The following FAM227B variants were observed in gnomAD, a reference collection of about 807,000 sequenced individuals.
The protein encoded by FAM227B is protein FAM227B.
A neutral mutation model predicts 73.8 loss-of-function variants in FAM227B; 88 were observed. The ratio of observed to expected loss-of-function variants is 1.19; its 90% confidence interval spans 1.00 to 1.42. The LOEUF is 1.42. Ranked by LOEUF, FAM227B falls within the 40% of genes most tolerant of loss-of-function variation. The probability of loss-of-function intolerance (pLI) is 0.00; values close to 1 mark genes in which losing one functional copy is unlikely to be tolerated. For synonymous variants in FAM227B, 210 were observed against 190.5 expected (o/e 1.10, Z -0.84); for missense variants, 632 against 590.9 (o/e 1.07, Z -0.72).
intron 11 of FAM227B, among the ~76,000 whole-genome samples, chr15:49,388,526 C>T (rs577691701): frequency 6.6e-6 from 1 of 151,774 alleles, no homozygotes; most frequent in African/African-American, 2.4e-5. Context: ...TGAAACTATA[C>T]AAATTCTAGA....
At chr15:49,521,632 A>C (rs2059794682) in intron 10 of FAM227B, among the ~76,000 whole-genome samples, 1 of 152,158 alleles carries the variant, frequency 6.6e-6, no homozygotes. Context: ...TTCCTGCAAA[A>C]GAGTGCAGAC....
intron 11 of FAM227B, chr15:49,424,139 A>C: frequency 1.7e-6 from 1 of 590,940 alleles, no homozygotes; most frequent in Non-Finnish European, 2.9e-6. Flanking sequence ...GTTATCAGGA[A>C]CTAAAAGGAT....
At chr15:49,548,360 G>A (rs1360073337) in intron 9 of FAM227B, among the ~76,000 whole-genome samples, 1 of 151,994 alleles carries the variant, frequency 6.6e-6, no homozygotes, top group African/African-American at 2.4e-5. Context: ...TTCCACTTCA[G>A]GAATAAATGC....
At chr15:49,596,616 C>T (rs996428453) in intron 3 of FAM227B, among the ~76,000 whole-genome samples, 1 of 150,978 alleles carries the variant, frequency 6.6e-6, no homozygotes, top group Admixed American at 6.6e-5. Flanking sequence ...TAGAATAGTA[C>T]CTCATATCTC....
intron 11 of FAM227B, among the ~76,000 whole-genome samples, chr15:49,403,220 G>C (rs1430063909): frequency 2.0e-5 from 3 of 151,914 alleles, no homozygotes; most frequent in Admixed American, 6.6e-5. Flanking sequence ...TGTTCATCAA[G>C]GGTATTGGCC....
intron 13 of FAM227B, among the ~76,000 whole-genome samples, chr15:49,362,815 AG>A (rs2044479492): frequency 6.6e-6 from 1 of 152,128 alleles, no homozygotes; most frequent in Non-Finnish European, 1.5e-5. Context: ...CGTGTATGGA[AG>A]GGGTCCAGTT....
chr15:49,328,045 A>G lies in FAM227B; in HGVS notation c.*523T>C, dbSNP rs1181494297. ...CTGCGGACAAGCTGCCCAGCTTTCTAGCAAATGTGCACAAAGCTTATTACC... is the reference window on the plus strand; with the variant it reads ...CTGCGGACAAGCTGCCCAGCTTTCTGGCAAATGTGCACAAAGCTTATTACC... On this transcript the variant is annotated 3_prime_UTR_variant, in exon 16 of 16. Transcript: ENST00000299338. The G allele has an allele frequency of 1.2e-6, 2 of 1,613,928 alleles. No homozygotes were observed. The highest frequency in any genetic ancestry group is 1.3e-5 in the African/African-American group (1 of 74,904).
intron 10 of FAM227B, among the ~76,000 whole-genome samples, chr15:49,518,436 T>C (rs1201885655): frequency 6.6e-6 from 1 of 152,148 alleles, no homozygotes; most frequent in Non-Finnish European, 1.5e-5. Flanking sequence ...ATTAGTTCAA[T>C]TTCATACTGC....
intron 10 of FAM227B, among the ~76,000 whole-genome samples, chr15:49,526,009 A>G (rs1389163431): frequency 6.6e-6 from 1 of 151,976 alleles, no homozygotes; most frequent in African/African-American, 2.4e-5. Context: ...TAGAAAATCA[A>G]GAAAGGAACT....
intron 5 of FAM227B, among the ~76,000 whole-genome samples, chr15:49,581,413 C>T (rs2152387250): frequency 6.6e-6 from 1 of 151,998 alleles, no homozygotes; most frequent in South Asian, 2.1e-4. Context: ...CTGCAACTTC[C>T]CCCTCTCAGG....
intron 11 of FAM227B, among the ~76,000 whole-genome samples, chr15:49,496,292 G>A (rs942653825): frequency 2.0e-5 from 3 of 152,054 alleles, no homozygotes; most frequent in Non-Finnish European, 2.9e-5. Context: ...TGCGGTTTAA[G>A]CTACAGTTTA....
chr15:49,589,112 T>C (rs1186707367), intron 4 of FAM227B, among the ~76,000 whole-genome samples: 1 of 152,112 alleles, frequency 6.6e-6, no homozygotes, highest in Admixed American at 6.6e-5. Flanking sequence ...TATACAAATA[T>C]TGAAAAGAAG....
At chr15:49,442,792 C>T (rs2051793755) in intron 11 of FAM227B, among the ~76,000 whole-genome samples, 1 of 151,700 alleles carries the variant, frequency 6.6e-6, no homozygotes. Context: ...CAACCACTGG[C>T]TTTTCTTCTT....
intron 11 of FAM227B, among the ~76,000 whole-genome samples, chr15:49,457,298 G>A (rs1266508535): frequency 6.6e-6 from 1 of 151,838 alleles, no homozygotes; most frequent in East Asian, 1.9e-4. Flanking sequence ...AATAGAAATG[G>A]AAAAAAATCA....
At chr15:49,431,321 T>G (rs1028663586) in intron 11 of FAM227B, among the ~76,000 whole-genome samples, 1 of 151,958 alleles carries the variant, frequency 6.6e-6, no homozygotes, top group East Asian at 1.9e-4. Context: ...TTATCTGCAT[T>G]TGAGATTATA....
chr15:49,389,630 A>T (rs1255711065), intron 11 of FAM227B, among the ~76,000 whole-genome samples: 3 of 152,026 alleles, frequency 2.0e-5, no homozygotes, highest in Non-Finnish European at 4.4e-5. Context: ...GTACCTCAAA[A>T]GCTATTGAAT....
intron 11 of FAM227B, chr15:49,484,516 A>G (rs2056240988): frequency 1.2e-5 from 17 of 1,375,096 alleles, no homozygotes; most frequent in Non-Finnish European, 1.7e-5. Context: ...TGCATATGGT[A>G]TATAAAGAAC....
At chr15:49,369,279 G>C (rs911902749) in intron 12 of FAM227B, among the ~76,000 whole-genome samples, 1 of 152,112 alleles carries the variant, frequency 6.6e-6, no homozygotes, top group Non-Finnish European at 1.5e-5. Context: ...TTTTAAAGCA[G>C]AATGTCGCAA....
chr15:49,501,965 G>A (rs899412676), intron 11 of FAM227B, among the ~76,000 whole-genome samples: 1 of 152,200 alleles, frequency 6.6e-6, no homozygotes, highest in Non-Finnish European at 1.5e-5. Flanking sequence ...TGCCACTTTG[G>A]AGAATGCAAG....
Sources: gnomAD v4.1 joint callset for allele counts (sites outside exome capture counted in the v4.1 genomes callset) on GRCh38, gnomAD v4.1.1 for gene constraint, MANE v1.5 for transcripts, NCBI Gene and HGNC (gene_info 2026-07-23, HGNC 2026-07-21) for gene names.